DNA2: variants seen among roughly 807,000 people sequenced by gnomAD.
DNA2 encodes DNA replication ATP-dependent helicase/nuclease DNA2.
A neutral mutation model predicts 119.1 loss-of-function variants in DNA2; 101 were observed. That is an observed-to-expected ratio of 0.85 (90% confidence interval 0.72 to 1.00). DNA2 has a LOEUF of 1.00. Ranked by LOEUF, DNA2 falls within the 50% of genes least tolerant of loss-of-function variation. The pLI is 0.00. For missense variants in DNA2, 1,121 were observed against 1,255.5 expected (o/e 0.89, Z 1.62); for synonymous variants, 366 against 424.4 (o/e 0.86, Z 1.69).
chr10:68,451,375 G>GA (rs1014600716), intron 5 of DNA2, among the ~76,000 whole-genome samples: 1 of 151,332 alleles, frequency 6.6e-6, no homozygotes, highest in Non-Finnish European at 1.5e-5. Context: ...ACAGAAAGGA[G>GA]AAAAAAAGGG....
At chr10:68,444,677 T>C (rs1188135128) in intron 8 of DNA2, among the ~76,000 whole-genome samples, 1 of 147,474 alleles carries the variant, frequency 6.8e-6, no homozygotes, top group Non-Finnish European at 1.5e-5. Context: ...TGAGCCGAGA[T>C]TGCACCATTG....
At chr10:68,448,666 C>T (rs2052073515) in intron 6 of DNA2, among the ~76,000 whole-genome samples, 1 of 152,000 alleles carries the variant, frequency 6.6e-6, no homozygotes, top group Non-Finnish European at 1.5e-5. Flanking sequence ...TCCAATTGAA[C>T]AAAATTAAAT....
At chr10:68,453,550 C>T (rs762096207) in intron 5 of DNA2, among the ~76,000 whole-genome samples, 1 of 152,118 alleles carries the variant, frequency 6.6e-6, no homozygotes, top group Non-Finnish European at 1.5e-5. Flanking sequence ...ACAATGATTT[C>T]GTCAACCTAG....
intron 10 of DNA2, among the ~76,000 whole-genome samples, chr10:68,435,498 C>T (rs1190173784): frequency 6.6e-6 from 1 of 151,962 alleles, no homozygotes; most frequent in Non-Finnish European, 1.5e-5. Flanking sequence ...CTCTTGTTGC[C>T]CAGGCTGGAG....
chr10:68,449,639 T>C (rs1156280203), intron 6 of DNA2, among the ~76,000 whole-genome samples: 1 of 151,960 alleles, frequency 6.6e-6, no homozygotes, highest in Non-Finnish European at 1.5e-5. Flanking sequence ...TAGTCAGGCA[T>C]AAGGCCGGGC....
At chr10:68,427,820 T>C in intron 14 of DNA2, among the ~76,000 whole-genome samples, 1 of 151,540 alleles carries the variant, frequency 6.6e-6, no homozygotes, top group Non-Finnish European at 1.5e-5. Context: ...GATCACGAGG[T>C]CGGGAGCTCA....
At chr10:68,418,645 A>G (rs544531530) in intron 19 of DNA2, among the ~76,000 whole-genome samples, 20 of 147,364 alleles carry the variant, frequency 1.4e-4, no homozygotes, top group African/African-American at 4.5e-4. Context: ...CTCTGTGTCC[A>G]CATGTTCTCA....
chr10:68,442,774 G>C lies in DNA2; in HGVS notation c.1415+143C>G. 4 of 662,792 alleles carry C rather than the reference G, an allele frequency of 6.0e-6. No homozygotes were observed. In the South Asian group the frequency reaches 6.4e-5, roughly 11 times the overall value. The allele number at this position is 662,792 out of a possible 1,614,324, so 41.1% of individuals were successfully genotyped here. ...TGGTGCTCTTCTTAGAAACAATAGA[G>C]AGCCATCTGCAGTTGTCATGAATAA... On this transcript the variant is annotated intron_variant, in intron 9 of 20. Transcript: ENST00000358410.
rs2052035085 is a variant in DNA2 at position 68,446,081 on chromosome 10, G to A, written c.1057+215C>T. ...GGAGGTTGCAATGAACCAAGATTGT[G>A]CCACTTCACTCCAGCCTGGGCAACA... is the stretch of plus-strand genomic sequence containing the variant. On this transcript the variant is annotated intron_variant, in intron 7 of 20. Transcript: ENST00000358410. Among the ~76,000 whole-genome samples the A allele has an allele frequency of 2.6e-5, 4 of 152,168 alleles. 1 individual carries two copies. The South Asian group carries it at 8.3e-4, about 32-fold the overall frequency.
At chr10:68,453,052 C>T (rs1439701377) in intron 5 of DNA2, among the ~76,000 whole-genome samples, 1 of 151,900 alleles carries the variant, frequency 6.6e-6, no homozygotes, top group Non-Finnish European at 1.5e-5. Context: ...AAGCGTGCAC[C>T]ACCACGCCTG....
chr10:68,453,432 T>C (rs1480848348), intron 5 of DNA2, among the ~76,000 whole-genome samples: 1 of 151,938 alleles, frequency 6.6e-6, no homozygotes, highest in African/African-American at 2.4e-5. Context: ...TCTAAGATAC[T>C]GATCCTTTAA....
chr10:68,446,379 C>T lies in DNA2; in HGVS notation c.974G>A (p.Arg325Lys). Reference sequence around the variant, plus strand: ...AAGCAAGCCAGCCTCTGGATCAGCTCTTCTCTCTTGGCTTAGTAGAGTGTA... The same window carrying T: ...AAGCAAGCCAGCCTCTGGATCAGCTTTTCTCTCTTGGCTTAGTAGAGTGTA... ...VLYTLLSQER[R>K]ADPEAGLLLY... Residue 325 changes from arginine to lysine, a missense_variant, in exon 7 of 21, where the codon AGA becomes AAA. Physicochemically the swap from Arg to Lys is conservative, Grantham distance 26. Coordinates refer to ENST00000358410, the MANE Select transcript of DNA2 (RefSeq NM_001080449.3). 1 of 1,595,248 alleles carries T rather than the reference C, an allele frequency of 6.3e-7. No homozygotes were observed. Among genetic ancestry groups the T allele is most frequent in the South Asian group, 1.1e-5 (1 of 87,694 alleles).
intron 9 of DNA2, among the ~76,000 whole-genome samples, chr10:68,442,271 T>G (rs1047588069): frequency 6.6e-6 from 1 of 151,804 alleles, no homozygotes; most frequent in East Asian, 1.9e-4. Context: ...CAGGTTGAAG[T>G]GCAGTGGTGC....
At chr10:68,438,968 G>A (rs1484683478) in intron 9 of DNA2, among the ~76,000 whole-genome samples, 1 of 147,920 alleles carries the variant, frequency 6.8e-6, no homozygotes, top group Non-Finnish European at 1.5e-5. Flanking sequence ...GGGAGGTGGA[G>A]GTTGCAGTGA....
chr10:68,448,969 G>GCA (rs1491237227), intron 6 of DNA2, among the ~76,000 whole-genome samples: 1 of 94,940 alleles, frequency 1.1e-5, no homozygotes, highest in Non-Finnish European at 2.0e-5. Context: ...GTGTGTGTGC[G>GCA]TGTGTGTGTG....
intron 9 of DNA2, among the ~76,000 whole-genome samples, chr10:68,439,350 C>T (rs1282502880): frequency 6.6e-6 from 1 of 151,038 alleles, no homozygotes; most frequent in Non-Finnish European, 1.5e-5. Flanking sequence ...GCCAAGATTG[C>T]AAGATTACTC....
In DNA2 at chr10:68,471,813, C is replaced by A. The variant is rs1554911818; in HGVS notation, c.52G>T (p.Glu18Ter). The A allele has an allele frequency of 6.2e-7, 1 of 1,606,320 alleles. No individual in the cohort carries two copies. Among genetic ancestry groups the A allele is most frequent in the Non-Finnish European group, 8.5e-7 (1 of 1,176,046 alleles). The change falls in exon 1 of 21, where the codon GAG becomes TAG. Residue 18 changes from glutamate to a stop codon, truncating the protein, a stop_gained. Coordinates refer to ENST00000358410, the MANE Select transcript of DNA2 (RefSeq NM_001080449.3). LOFTEE classifies it high-confidence loss of function. ...CACAGCTCCGCCGGCAGCTCCGCCTCCTCCCAAAAACTCTTCTCCATCAGC... is the reference window on the plus strand; with the variant it reads ...CACAGCTCCGCCGGCAGCTCCGCCTACTCCCAAAAACTCTTCTCCATCAGC... The part of the protein sequence containing the change: ...ELLMEKSFWE[E>*]AELPAELFQK...
chr10:68,454,716 G>C (rs958371982), intron 5 of DNA2, among the ~76,000 whole-genome samples: 1 of 151,902 alleles, frequency 6.6e-6, no homozygotes, highest in Non-Finnish European at 1.5e-5. Context: ...TGAGGCAGAA[G>C]AATCGCTTGA....
At chr10:68,466,731 A>G (rs2052331673) in intron 3 of DNA2, among the ~76,000 whole-genome samples, 1 of 151,852 alleles carries the variant, frequency 6.6e-6, no homozygotes, top group South Asian at 2.1e-4. Context: ...GGCGCCCGCC[A>G]CCACACCCGG....
Sources: gnomAD v4.1 joint callset for allele counts (sites outside exome capture counted in the v4.1 genomes callset) on GRCh38, gnomAD v4.1.1 for gene constraint, MANE v1.5 for transcripts, NCBI Gene and HGNC (gene_info 2026-07-23, HGNC 2026-07-21) for gene names.